The following MBD5 variants were observed in gnomAD, a reference collection of about 807,000 sequenced individuals.
MBD5 encodes methyl-CpG-binding domain protein 5.
In MBD5, 13 loss-of-function variants were observed where a neutral mutation model predicts 117.3. That is an observed-to-expected ratio of 0.11 (90% CI 0.07 to 0.18). The LOEUF (loss-of-function observed/expected upper bound fraction) is 0.18. Ranked by LOEUF, MBD5 falls within the 10% of genes least tolerant of loss-of-function variation. The probability of loss-of-function intolerance (pLI) is 1.00; values close to 1 mark genes in which losing one functional copy is unlikely to be tolerated. For synonymous variants in MBD5, 727 were observed against 766.4 expected (o/e 0.95, Z 0.85); for missense variants, 1,879 against 2,093.8 (o/e 0.90, Z 2.00).
At chr2:148,073,373 G>C (rs1366597848) in intron 1 of MBD5, among the ~76,000 whole-genome samples, 1 of 152,076 alleles carries the variant, frequency 6.6e-6, no homozygotes, top group African/African-American at 2.4e-5. Flanking sequence ...ATTAATATAA[G>C]GGGTGGTTTT....
intron 1 of MBD5, among the ~76,000 whole-genome samples, chr2:148,149,329 C>A (rs1697569605): frequency 7.5e-6 from 1 of 134,228 alleles, no homozygotes; most frequent in Non-Finnish European, 1.6e-5. Flanking sequence ...TTTCTTAATC[C>A]AGTCTATCAT....
intron 8 of MBD5, among the ~76,000 whole-genome samples, chr2:148,475,601 G>A (rs1267415126): frequency 2.0e-5 from 3 of 152,086 alleles, no homozygotes; most frequent in Non-Finnish European, 2.9e-5. Context: ...GTCCCAGTGT[G>A]CAAATTGGGA....
At chr2:148,226,111 CT>C (rs754292767) in intron 2 of MBD5, among the ~76,000 whole-genome samples, 101 of 147,682 alleles carry the variant, frequency 6.8e-4, no homozygotes, top group Non-Finnish European at 1.1e-3. Context: ...AGGCTATTTT[CT>C]TTTTTTTTTC....
intron 4 of MBD5, among the ~76,000 whole-genome samples, chr2:148,349,074 T>C (rs1459474064): frequency 6.6e-6 from 1 of 151,938 alleles, no homozygotes; most frequent in Non-Finnish European, 1.5e-5. Flanking sequence ...AAAAATGAAA[T>C]AGAAATCATG....
chr2:148,390,398 A>T (rs1677592083), intron 4 of MBD5, among the ~76,000 whole-genome samples: 1 of 151,510 alleles, frequency 6.6e-6, no homozygotes, highest in South Asian at 2.1e-4. Flanking sequence ...TTAGGGCATC[A>T]ACATTTGAAT....
intron 4 of MBD5, among the ~76,000 whole-genome samples, chr2:148,396,992 T>C (rs936333962): frequency 1.3e-5 from 2 of 152,146 alleles, no homozygotes; most frequent in African/African-American, 2.4e-5. Context: ...TTATAACTTA[T>C]TTACCATGCC....
At chr2:148,092,467 C>T (rs1399862829) in intron 1 of MBD5, among the ~76,000 whole-genome samples, 2 of 151,988 alleles carry the variant, frequency 1.3e-5, no homozygotes, top group African/African-American at 4.8e-5. Context: ...ATGTATATAC[C>T]ATGGAATACT....
chr2:148,152,642 A>G (rs1248258883), intron 1 of MBD5, among the ~76,000 whole-genome samples: 3 of 152,138 alleles, frequency 2.0e-5, no homozygotes, highest in Non-Finnish European at 2.9e-5. Flanking sequence ...TTGCATATAT[A>G]TTTAGGATAG....
rs528729881 is a variant in MBD5 at position 148,414,698 on chromosome 2, C to T, written c.-556-43505C>T. On this transcript the variant is annotated intron_variant, in intron 4 of 13. Coordinates refer to ENST00000642680, the MANE Select transcript of MBD5 (RefSeq NM_001378120.1). ...ATTTGGTCTTCTTGTTTAATGGAAC[C>T]GCTTACCACTATGTAATGCTCTTCT... 5.9e-5 allele frequency among the ~76,000 whole-genome samples: 9 copies of T among 152,190 alleles called. No individual in the cohort carries two copies. The East Asian group carries it at 1.4e-3, about 23-fold the overall frequency.
intron 3 of MBD5, among the ~76,000 whole-genome samples, chr2:148,258,788 T>C (rs1057157753): frequency 1.3e-5 from 2 of 152,226 alleles, no homozygotes; most frequent in Non-Finnish European, 2.9e-5. Flanking sequence ...TCCATGAGCG[T>C]GTCACTTGTT....
At chr2:148,378,125 T>C (rs1456868800) in intron 4 of MBD5, among the ~76,000 whole-genome samples, 1 of 152,170 alleles carries the variant, frequency 6.6e-6, no homozygotes, top group Non-Finnish European at 1.5e-5. Flanking sequence ...TGAATTGCCT[T>C]TTTCTTTTAA....
At chr2:148,208,070 G>A (rs1356088844) in intron 2 of MBD5, among the ~76,000 whole-genome samples, 3 of 152,152 alleles carry the variant, frequency 2.0e-5, no homozygotes, top group African/African-American at 4.8e-5. Context: ...TCCTTCTAAA[G>A]AATAAGCTGT....
chr2:148,174,549 G>C (rs1050216957), intron 1 of MBD5, among the ~76,000 whole-genome samples: 2 of 151,628 alleles, frequency 1.3e-5, no homozygotes, highest in African/African-American at 2.4e-5. Flanking sequence ...GTCATACATT[G>C]AATAAGGGGT....
rs138473671 is a variant in MBD5 at position 148,130,425 on chromosome 2, T to C, written c.-924-48275T>C. On this transcript the variant is annotated intron_variant, in intron 1 of 13. Coordinates refer to ENST00000642680, the MANE Select transcript of MBD5 (RefSeq NM_001378120.1). ...CTGAAACCATGCAAAATTATTTTTG[T>C]ATGCTGTCCTTTATGATGGATATTT... is the stretch of plus-strand genomic sequence containing the variant. 5.3e-5 allele frequency among the ~76,000 whole-genome samples: 8 copies of C among 152,274 alleles called. 1 individual carries two copies. The East Asian group carries it at 1.5e-3, about 29-fold the overall frequency.
At chr2:148,291,147 T>C (rs1430306844) in intron 3 of MBD5, among the ~76,000 whole-genome samples, 1 of 152,208 alleles carries the variant, frequency 6.6e-6, no homozygotes, top group African/African-American at 2.4e-5. Flanking sequence ...TCCAATTTTG[T>C]TCCTGTTTTT....
chr2:148,329,066 G>A (rs918829716), intron 3 of MBD5, among the ~76,000 whole-genome samples: 2 of 152,056 alleles, frequency 1.3e-5, no homozygotes, highest in Non-Finnish European at 2.9e-5. Context: ...CTGTCATTAG[G>A]TAATGATAAT....
At chr2:148,248,409 A>C (rs1297210538) in intron 3 of MBD5, among the ~76,000 whole-genome samples, 1 of 152,206 alleles carries the variant, frequency 6.6e-6, no homozygotes, top group African/African-American at 2.4e-5. Flanking sequence ...AATTAAAGCC[A>C]AGAACTTAAG....
intron 10 of MBD5, among the ~76,000 whole-genome samples, chr2:148,487,538 A>C (rs1480341024): frequency 6.6e-6 from 1 of 151,796 alleles, no homozygotes; most frequent in Non-Finnish European, 1.5e-5. Flanking sequence ...GAAGTGCTCA[A>C]CCGTGTCACT....
At position 148,468,492 on chromosome 2, in the gene MBD5, A is replaced by G. The variant is rs1327901967; in HGVS notation, c.549A>G (p.Val183=). 2 of 1,613,766 alleles carry G rather than the reference A, an allele frequency of 1.2e-6. No homozygotes were observed. Among genetic ancestry groups the G allele is most frequent in the African/African-American group, 2.7e-5 (2 of 74,894 alleles). ...GSSNAMGRLY[V]QELPGSQQQE... ...CAAATGCCATGGGAAGGCTATATGTACAAGAACTGCCTGGAAGCCAACAAC... is the reference window on the plus strand; with the variant it reads ...CAAATGCCATGGGAAGGCTATATGTGCAAGAACTGCCTGGAAGCCAACAAC... The change falls in exon 8 of 14, where the codon GTA becomes GTG. Residue 183 remains valine (V), a synonymous_variant. Coordinates refer to ENST00000642680, the MANE Select transcript of MBD5 (RefSeq NM_001378120.1).
Sources: allele counts gnomAD v4.1 joint callset (sites outside exome capture counted in the v4.1 genomes callset), GRCh38; gene constraint gnomAD v4.1.1; transcripts MANE v1.5; gene names NCBI Gene and HGNC (gene_info 2026-07-23, HGNC 2026-07-21).